The following WWOX variants were observed in gnomAD, a reference collection of about 807,000 sequenced individuals.
The protein encoded by WWOX is WW domain-containing oxidoreductase.
Under a neutral mutation model 46.2 loss-of-function variants are expected in WWOX, and 69 were observed. That is an observed-to-expected ratio of 1.49 (90% CI 1.23 to 1.82). The LOEUF (loss-of-function observed/expected upper bound fraction) is 1.82. Among genes scored for constraint, WWOX ranks in the 40% most tolerant of loss-of-function variants. WWOX has a pLI of 0.00. For missense variants in WWOX, 919 were observed against 542.6 expected (o/e 1.69, Z -6.89); for synonymous variants, 359 against 202.6 (o/e 1.77, Z -6.56).
chr16:78,738,904 G>C (rs1260441176), intron 8 of WWOX, among the ~76,000 whole-genome samples: 1 of 152,140 alleles, frequency 6.6e-6, no homozygotes, highest in Non-Finnish European at 1.5e-5. Context: ...CATTAGAGTA[G>C]TGCTGATCAT....
chr16:78,476,456 T>A (rs2084350479), intron 8 of WWOX, among the ~76,000 whole-genome samples: 1 of 151,922 alleles, frequency 6.6e-6, no homozygotes, highest in Non-Finnish European at 1.5e-5. Context: ...GGGCCTGTTG[T>A]GGGGTGCGGG....
At chr16:78,786,989 A>C (rs8057919) in intron 8 of WWOX, among the ~76,000 whole-genome samples, 1 of 152,128 alleles carries the variant, frequency 6.6e-6, no homozygotes, top group African/African-American at 2.4e-5. Context: ...CTCTACTAAA[A>C]ATACACAAAT....
At chr16:78,889,328 A>C (rs1316274234) in intron 8 of WWOX, among the ~76,000 whole-genome samples, 2 of 151,382 alleles carry the variant, frequency 1.3e-5, no homozygotes, top group Admixed American at 1.3e-4. Context: ...TGGCTTTTTA[A>C]GAAGATCTTT....
intron 5 of WWOX, among the ~76,000 whole-genome samples, chr16:78,383,064 C>A (rs1005314076): frequency 6.6e-6 from 1 of 150,526 alleles, no homozygotes; most frequent in African/African-American, 2.4e-5. Context: ...CTTAGGCATA[C>A]TGGATCACGA....
intron 8 of WWOX, among the ~76,000 whole-genome samples, chr16:78,702,007 T>TTATATATATGTATATA (rs1555519490): frequency 9.2e-4 from 53 of 57,624 alleles, no homozygotes; most frequent in African/African-American, 3.4e-3. Flanking sequence ...CTACATAAAA[T>TTATATATATGTATATA]TATATATATA....
At chr16:78,760,831 A>G (rs974458151) in intron 8 of WWOX, among the ~76,000 whole-genome samples, 2 of 152,222 alleles carry the variant, frequency 1.3e-5, no homozygotes, top group African/African-American at 2.4e-5. Context: ...TACAAAAGAA[A>G]GAGGTTTAAT....
chr16:78,317,486 G>T (rs542098454), intron 5 of WWOX, among the ~76,000 whole-genome samples: 1 of 152,260 alleles, frequency 6.6e-6, no homozygotes, highest in South Asian at 2.1e-4. Context: ...ACAGTATTCA[G>T]GCTGAGAAAC....
chr16:78,540,675 T>G (rs1023799584), intron 8 of WWOX, among the ~76,000 whole-genome samples: 22 of 151,758 alleles, frequency 1.4e-4, no homozygotes, highest in Non-Finnish European at 2.8e-4. Context: ...TCCTGCAAAT[T>G]TTATCTAGTG....
chr16:78,332,393 C>A lies in WWOX; in HGVS notation c.517-54467C>A, dbSNP rs1223528990. Among the ~76,000 whole-genome samples the A allele has an allele frequency of 3.9e-5, 6 of 152,166 alleles. No individual in the cohort carries two copies. The East Asian group carries it at 1.2e-3, about 29-fold the overall frequency. ...AGAATGGGTATTTCCTCTGTGCAATCTGAGGGCACGGGACACTCCTCCAGC... is the reference window on the plus strand; with the variant it reads ...AGAATGGGTATTTCCTCTGTGCAATATGAGGGCACGGGACACTCCTCCAGC... On this transcript the variant is annotated intron_variant, in intron 5 of 8. Transcript: ENST00000566780.
At chr16:78,330,498 G>A (rs2151891701) in intron 5 of WWOX, among the ~76,000 whole-genome samples, 1 of 152,118 alleles carries the variant, frequency 6.6e-6, no homozygotes, top group Middle Eastern at 3.4e-3. Flanking sequence ...CTGGGTTCAA[G>A]CAATTCTCCT....
At chr16:79,036,713 T>A (rs531871264) in intron 8 of WWOX, among the ~76,000 whole-genome samples, 1 of 152,302 alleles carries the variant, frequency 6.6e-6, no homozygotes, top group East Asian at 1.9e-4. Context: ...CTGGGATTGA[T>A]TAGTGATGTC....
intron 8 of WWOX, among the ~76,000 whole-genome samples, chr16:78,945,591 G>T (rs4888884): frequency 0.31 from 47,775 of 151,816 alleles, 7,891 homozygotes; most frequent in East Asian, 0.54. Context: ...TCTCTCTTTT[G>T]GTTTGTTGGC....
intron 8 of WWOX, among the ~76,000 whole-genome samples, chr16:79,072,609 T>C (rs2048572274): frequency 6.6e-6 from 1 of 152,242 alleles, no homozygotes; most frequent in Admixed American, 6.5e-5. Context: ...ATATTCAGTA[T>C]CATTATCGAA....
At chr16:78,326,108 G>T (rs760755226) in intron 5 of WWOX, among the ~76,000 whole-genome samples, 13 of 152,152 alleles carry the variant, frequency 8.5e-5, no homozygotes, top group Non-Finnish European at 1.8e-4. Flanking sequence ...CTCCCCTCCA[G>T]AAGTCCAGGG....
At chr16:78,842,286 G>C (rs2052172635) in intron 8 of WWOX, among the ~76,000 whole-genome samples, 1 of 143,030 alleles carries the variant, frequency 7.0e-6, no homozygotes, top group South Asian at 2.2e-4. Context: ...TTGAGGCCAA[G>C]AATTTGAGAC....
intron 8 of WWOX, among the ~76,000 whole-genome samples, chr16:79,115,457 GCTC>G (rs759111382): frequency 5.6e-5 from 7 of 124,434 alleles, no homozygotes; most frequent in South Asian, 2.6e-4. Flanking sequence ...CACAGGTGCT[GCTC>G]TTGTTATAAG....
chr16:78,599,648 G>T (rs538465963), intron 8 of WWOX, among the ~76,000 whole-genome samples: 1 of 152,178 alleles, frequency 6.6e-6, no homozygotes, highest in Non-Finnish European at 1.5e-5. Flanking sequence ...ATTTGCTCCC[G>T]AGTCTCAGAG....
intron 6 of WWOX, among the ~76,000 whole-genome samples, chr16:78,416,111 GAAA>G (rs1056709164): frequency 1.3e-5 from 2 of 151,804 alleles, no homozygotes; most frequent in Non-Finnish European, 2.9e-5. Context: ...CCAAGAAGAA[GAAA>G]AAAAATCAGC....
rs115781250 is a variant in WWOX, at chr16:78,975,256, G to C, written c.1057-236352G>C. ...TGGGACCACTTTTGCACCCAGGGAA[G>C]GTGTGGCAATGTCTAGAGACATTTT... On this transcript the variant is annotated intron_variant, in intron 8 of 8. Transcript: ENST00000566780. 2.0e-3 allele frequency among the ~76,000 whole-genome samples: 306 copies of C among 152,314 alleles called. 1 individual carries two copies. The highest frequency in any genetic ancestry group is 7.2e-3 in the African/African-American group (298 of 41,562).
Sources: gnomAD v4.1 joint callset for allele counts (sites outside exome capture counted in the v4.1 genomes callset) on GRCh38, gnomAD v4.1.1 for gene constraint, MANE v1.5 for transcripts, NCBI Gene and HGNC (gene_info 2026-07-23, HGNC 2026-07-21) for gene names.